The following BICC1 variants were observed in gnomAD, a reference collection of about 807,000 sequenced individuals.
BICC1 encodes the protein protein bicaudal C homolog 1.
Under a neutral mutation model 111.0 loss-of-function variants are expected in BICC1, and 43 were observed. The ratio of observed to expected loss-of-function variants is 0.39; its 90% CI spans 0.30 to 0.50. The LOEUF is 0.50. Among genes scored for constraint, BICC1 ranks in the 20% least tolerant of loss-of-function variants. The probability of loss-of-function intolerance (pLI) is 0.88; values close to 1 mark genes in which losing one functional copy is unlikely to be tolerated. For missense variants in BICC1, 1,091 were observed against 1,203.2 expected (o/e 0.91, Z 1.38); for synonymous variants, 467 against 434.4 (o/e 1.07, Z -0.93).
rs773360413 is a variant in BICC1 at position 58,814,832 on chromosome 10, T to C, written c.2533+846T>C. Among the ~76,000 whole-genome samples the C allele has an allele frequency of 4.4e-4, 67 of 151,962 alleles. 1 individual carries two copies. Among genetic ancestry groups the C allele is most frequent in the Admixed American group, 9.8e-4 (15 of 15,234 alleles). ...GTGGTTGAGAAAAATGTGATTGAAT[T>C]AGCATCTTAGACCATTGAAGAAAGA... On this transcript the variant is annotated intron_variant, in intron 18 of 20. Transcript: ENST00000373886.
intron 2 of BICC1, among the ~76,000 whole-genome samples, chr10:58,644,105 A>G (rs1838198429): frequency 6.6e-6 from 1 of 152,186 alleles, no homozygotes; most frequent in Non-Finnish European, 1.5e-5. Context: ...GCTGAGTTAG[A>G]TAAGGTGGTT....
intron 2 of BICC1, among the ~76,000 whole-genome samples, chr10:58,624,363 AC>A (rs1382019107): frequency 3.9e-5 from 6 of 152,176 alleles, no homozygotes; most frequent in African/African-American, 1.4e-4. Context: ...GACAGTTCAA[AC>A]TATAATACCT....
intron 1 of BICC1, among the ~76,000 whole-genome samples, chr10:58,567,385 AT>A (rs1843801213): frequency 6.6e-6 from 1 of 151,766 alleles, no homozygotes; most frequent in East Asian, 1.9e-4. Context: ...AAAGACAGTG[AT>A]TTGTCATCTT....
intron 1 of BICC1, among the ~76,000 whole-genome samples, chr10:58,565,849 C>A (rs781350450): frequency 1.3e-5 from 2 of 151,894 alleles, no homozygotes; most frequent in Non-Finnish European, 2.9e-5. Flanking sequence ...TTTTGGGGAA[C>A]AGGTGGTGTT....
intron 1 of BICC1, among the ~76,000 whole-genome samples, chr10:58,588,377 G>A (rs1480830010): frequency 6.6e-6 from 1 of 152,172 alleles, no homozygotes; most frequent in Admixed American, 6.5e-5. Flanking sequence ...GGTGTATCTT[G>A]TTAAACCGAG....
At chr10:58,600,062 G>A (rs1352970562) in intron 1 of BICC1, among the ~76,000 whole-genome samples, 1 of 151,914 alleles carries the variant, frequency 6.6e-6, no homozygotes, top group Non-Finnish European at 1.5e-5. Context: ...TGATGCTCAC[G>A]TTCTCGTTTC....
chr10:58,624,393 TC>T (rs1442330673), intron 2 of BICC1, among the ~76,000 whole-genome samples: 1 of 152,188 alleles, frequency 6.6e-6, no homozygotes, highest in African/African-American at 2.4e-5. Flanking sequence ...AGAAAATAAT[TC>T]TGTAGAAAAA....
At chr10:58,553,160 T>G (rs1316733844) in intron 1 of BICC1, among the ~76,000 whole-genome samples, 2 of 152,146 alleles carry the variant, frequency 1.3e-5, no homozygotes, top group Non-Finnish European at 2.9e-5. Flanking sequence ...CTCCCAAAGA[T>G]GTCCATATTC....
intron 2 of BICC1, among the ~76,000 whole-genome samples, chr10:58,680,346 T>A (rs1209046403): frequency 5.3e-5 from 8 of 152,164 alleles, no homozygotes; most frequent in African/African-American, 1.9e-4. Context: ...GGTCTCAGGA[T>A]ACAAAATGTG....
chr10:58,727,557 A>G (rs1024145473), intron 3 of BICC1, among the ~76,000 whole-genome samples: 46 of 151,956 alleles, frequency 3.0e-4, no homozygotes, highest in African/African-American at 9.2e-4. Flanking sequence ...ACTGTTCTCC[A>G]GCCTGGGTAA....
Position 58,829,191 on chromosome 10 carries a change from A to ATTTTTTTTTTTTTTTT in BICC1, c.*316_*331dup, listed in dbSNP as rs71006209. 3 of 42,388 alleles carry ATTTTTTTTTTTTTTTT rather than the reference A, an allele frequency of 7.1e-5. No individual in the cohort carries two copies. The highest frequency in any genetic ancestry group is 3.7e-4 in the African/African-American group (3 of 8,130). The allele number at this position is 42,388 out of a possible 1,614,324, so 2.6% of individuals were successfully genotyped here. A position where few individuals can be genotyped will look rare whatever the true frequency, so the allele number is the denominator to read the frequency against. On this transcript the variant is annotated 3_prime_UTR_variant, in exon 21 of 21. Coordinates refer to ENST00000373886, the MANE Select transcript of BICC1 (RefSeq NM_001080512.3). ...TACCTATATAACATATGCACTGATG[A>ATTTTTTTTTTTTTTTT]TTTTTTTTTTTTTTTTTTTTTTTTT...
chr10:58,701,969 A>G, intron 2 of BICC1, 105 bp from the exon 3 acceptor site: 1 of 789,854 alleles, frequency 1.3e-6, no homozygotes, highest in South Asian at 1.8e-5. Flanking sequence ...TTTTGTATGA[A>G]CATGAACTTA....
At chr10:58,817,530 C>T (rs776988624) in intron 18 of BICC1, 32 bp from the exon 19 acceptor site, 1 of 1,612,006 alleles carries the variant, frequency 6.2e-7, no homozygotes, top group Non-Finnish European at 8.5e-7. Flanking sequence ...TGGGCATTTA[C>T]ACTTCAAGCC....
At chr10:58,519,370 T>G (rs891557472) in intron 1 of BICC1, among the ~76,000 whole-genome samples, 3 of 152,192 alleles carry the variant, frequency 2.0e-5, no homozygotes, top group Admixed American at 1.3e-4. Flanking sequence ...ATGTATCTTC[T>G]TTTTCCAGCC....
At chr10:58,817,071 G>T (rs1470341127) in intron 18 of BICC1, among the ~76,000 whole-genome samples, 1 of 151,990 alleles carries the variant, frequency 6.6e-6, no homozygotes, top group Admixed American at 6.6e-5. Context: ...ATATTTTTTA[G>T]GGAGCAGGAT....
At chr10:58,739,969 T>G (rs1367069301) in intron 3 of BICC1, among the ~76,000 whole-genome samples, 1 of 152,202 alleles carries the variant, frequency 6.6e-6, no homozygotes, top group Non-Finnish European at 1.5e-5. Flanking sequence ...TAATAGACTT[T>G]AGCTTATAGA....
chr10:58,689,356 G>A (rs894262349), intron 2 of BICC1, among the ~76,000 whole-genome samples: 1 of 152,160 alleles, frequency 6.6e-6, no homozygotes, highest in African/African-American at 2.4e-5. Flanking sequence ...ATTGGATCAC[G>A]TGCCTATTGG....
intron 1 of BICC1, among the ~76,000 whole-genome samples, chr10:58,587,345 A>G (rs1197464834): frequency 6.6e-6 from 1 of 152,182 alleles, no homozygotes; most frequent in Non-Finnish European, 1.5e-5. Flanking sequence ...GCACTATAGC[A>G]AATTTACATT....
chr10:58,639,701 G>A (rs1464989770), intron 2 of BICC1, among the ~76,000 whole-genome samples: 1 of 144,564 alleles, frequency 6.9e-6, no homozygotes, highest in Non-Finnish European at 1.5e-5. Flanking sequence ...ACAGGTATGA[G>A]CCACTGTGCC....
Sources: allele counts gnomAD v4.1 joint callset (sites outside exome capture counted in the v4.1 genomes callset), GRCh38; gene constraint gnomAD v4.1.1; transcripts MANE v1.5; gene names NCBI Gene and HGNC (gene_info 2026-07-23, HGNC 2026-07-21).